Variants in GFRAL observed in about 807,000 individuals in gnomAD.
GFRAL encodes the protein GDNF family receptor alpha like.
Under a neutral mutation model 45.4 loss-of-function variants are expected in GFRAL, and 36 were observed. The observed-to-expected ratio is 0.79, with a 90% CI of 0.61 to 1.05. The LOEUF (loss-of-function observed/expected upper bound fraction) is 1.05. Ranked by LOEUF, GFRAL falls within the 50% of genes least tolerant of loss-of-function variation. The pLI, the probability that GFRAL is intolerant of heterozygous loss-of-function variation, is 0.00. For missense variants in GFRAL, 507 were observed against 467.5 expected, an observed-to-expected ratio of 1.08 and a Z score of -0.78; for synonymous variants, 166 against 154.1, an observed-to-expected ratio of 1.08 and a Z score of -0.57.
At chr6:55,354,792 G>A (rs1279956950) in intron 5 of GFRAL, among the ~76,000 whole-genome samples, 2 of 151,824 alleles carry the variant, frequency 1.3e-5, no homozygotes, top group Non-Finnish European at 2.9e-5. Flanking sequence ...GGCAAAACAG[G>A]GCACTTCAGT....
At chr6:55,345,284 C>G (rs1276652398) in intron 3 of GFRAL, among the ~76,000 whole-genome samples, 1 of 152,176 alleles carries the variant, frequency 6.6e-6, no homozygotes, top group Non-Finnish European at 1.5e-5. Flanking sequence ...TGCTACCTGA[C>G]TTCAAACTAT....
intron 6 of GFRAL, among the ~76,000 whole-genome samples, chr6:55,363,194 C>A (rs542511654): frequency 6.6e-6 from 1 of 151,950 alleles, no homozygotes; most frequent in Non-Finnish European, 1.5e-5. Context: ...TAATCCCATT[C>A]TCAAGAGAGA....
intron 6 of GFRAL, among the ~76,000 whole-genome samples, chr6:55,395,171 A>ATATATATATATATATATATATATAT (rs1327884681): frequency 2.2e-5 from 2 of 90,826 alleles, no homozygotes; most frequent in African/African-American, 1.1e-4. Flanking sequence ...GGAAAAAAAA[A>ATATATATATATATATATATATATAT]AAAAATATAT....
chr6:55,346,583 C>T lies in GFRAL; in HGVS notation c.317-3509C>T, dbSNP rs182549828. ...GGGAGGGATAGCATTAGGAGATATA[C>T]CTAATGTAAATGATGAGTTAATGGA... On this transcript the variant is annotated intron_variant, in intron 3 of 8. Coordinates refer to ENST00000340465, the MANE Select transcript of GFRAL (RefSeq NM_207410.2). Among the ~76,000 whole-genome samples, 451 of 151,926 alleles carry T rather than the reference C, an allele frequency of 3.0e-3. 4 individuals are homozygous for T. Among genetic ancestry groups the T allele is most frequent in the African/African-American group, 0.011 (442 of 41,418 alleles).
At chr6:55,367,881 C>T (rs555792763) in intron 6 of GFRAL, among the ~76,000 whole-genome samples, 4 of 151,300 alleles carry the variant, frequency 2.6e-5, no homozygotes, top group Admixed American at 1.3e-4. Context: ...AACATTTTTT[C>T]CTTCATTTCA....
At chr6:55,366,332 T>G (rs931230340) in intron 6 of GFRAL, among the ~76,000 whole-genome samples, 4 of 151,928 alleles carry the variant, frequency 2.6e-5, no homozygotes, top group Non-Finnish European at 4.4e-5. Flanking sequence ...CTGCTCTTTT[T>G]TTTTCTTTAT....
In GFRAL at chr6:55,359,037, G is replaced by A. The variant is rs767931022; in HGVS notation, c.851G>A (p.Gly284Glu). The A allele has an allele frequency of 6.2e-6, 10 of 1,612,848 alleles. No individual in the cohort carries two copies. Among genetic ancestry groups the A allele is most frequent in the Non-Finnish European group, 8.5e-6 (10 of 1,179,282 alleles). ...AAAGCTGCTTACATAGATATCCTTG[G>A]GACGGTCCTTCAAGTGCAATGTACC... Reference protein sequence around the residue: ...DCKAAYIDILGTVLQVQCTCR... With the variant: ...DCKAAYIDILETVLQVQCTCR... Residue 284 changes from glycine (G) to glutamate (E), a missense_variant, in exon 6 of 9, where the codon GGG becomes GAG. Transcript: ENST00000340465.
At chr6:55,329,682 G>A (rs977737449) in intron 1 of GFRAL, among the ~76,000 whole-genome samples, 6 of 152,012 alleles carry the variant, frequency 3.9e-5, no homozygotes, top group African/African-American at 1.4e-4. Context: ...TGAGAAAACA[G>A]AAAGCTGATA....
intron 6 of GFRAL, among the ~76,000 whole-genome samples, chr6:55,396,329 C>G (rs541361297): frequency 2.0e-5 from 3 of 152,266 alleles, no homozygotes; most frequent in Admixed American, 6.5e-5. Flanking sequence ...TTTCTAAACT[C>G]TGCTAGGTGA....
chr6:55,395,173 A>T (rs35924796), intron 6 of GFRAL, among the ~76,000 whole-genome samples: 22,714 of 102,988 alleles, frequency 0.22, 2,510 homozygotes, highest in Admixed American at 0.38. Context: ...AAAAAAAAAA[A>T]AAATATATAT....
chr6:55,384,299 C>T (rs1265278939), intron 6 of GFRAL, among the ~76,000 whole-genome samples: 1 of 150,392 alleles, frequency 6.6e-6, no homozygotes, highest in Non-Finnish European at 1.5e-5. Flanking sequence ...TCCATTTATC[C>T]CCACACAATA....
intron 5 of GFRAL, among the ~76,000 whole-genome samples, chr6:55,353,729 A>C (rs187927279): frequency 1.3e-3 from 197 of 152,188 alleles, no homozygotes; most frequent in Middle Eastern, 3.4e-3. Context: ...ATTTTAAATA[A>C]ATTTTTAAGG....
At chr6:55,357,762 G>C (rs1295435659) in intron 5 of GFRAL, among the ~76,000 whole-genome samples, 1 of 151,416 alleles carries the variant, frequency 6.6e-6, no homozygotes, top group Non-Finnish European at 1.5e-5. Context: ...AAATTTCATG[G>C]TGTTTTTCCT....
chr6:55,331,823 T>C lies in GFRAL; in HGVS notation c.131T>C (p.Val44Ala). Residue 44 changes from valine (V) to alanine (A), a missense_variant, in exon 2 of 9, where the codon GTA becomes GCA. Transcript: ENST00000340465. ...AATGGATGTAAACATGCTTGGAGAG[T>C]AATGGAAGATGCCTGCAATGATTCA... ...DANGCKHAWRVMEDACNDSDP... is the reference protein window; with the variant it reads ...DANGCKHAWRAMEDACNDSDP... The C allele has an allele frequency of 6.2e-7, 1 of 1,610,434 alleles. No homozygotes were observed. Among genetic ancestry groups the C allele is most frequent in the Non-Finnish European group, 8.5e-7 (1 of 1,178,698 alleles).
At chr6:55,377,006 T>A (rs12201384) in intron 6 of GFRAL, among the ~76,000 whole-genome samples, 43,694 of 151,782 alleles carry the variant, frequency 0.29, 7,291 homozygotes, top group Middle Eastern at 0.45. Context: ...ACAACCAATT[T>A]CTACCTGAGC....
At chr6:55,342,417 C>A (rs939296286) in intron 3 of GFRAL, among the ~76,000 whole-genome samples, 2 of 151,930 alleles carry the variant, frequency 1.3e-5, no homozygotes, top group African/African-American at 4.8e-5. Flanking sequence ...TCATATCCAG[C>A]CAAACTAAGC....
intron 6 of GFRAL, among the ~76,000 whole-genome samples, chr6:55,386,105 C>A (rs1581758556): frequency 6.6e-6 from 1 of 152,114 alleles, no homozygotes; most frequent in Middle Eastern, 3.4e-3. Context: ...TTATTTCTTT[C>A]TTTGCCCTTG....
intron 1 of GFRAL, among the ~76,000 whole-genome samples, chr6:55,328,019 A>G (rs1222582726): frequency 6.6e-6 from 1 of 152,008 alleles, no homozygotes; most frequent in African/African-American, 2.4e-5. Context: ...AATTTAAAAC[A>G]TTCAATTTAC....
chr6:55,395,364 G>C (rs1414199487), intron 6 of GFRAL, among the ~76,000 whole-genome samples: 1 of 151,472 alleles, frequency 6.6e-6, no homozygotes, highest in Non-Finnish European at 1.5e-5. Context: ...GAAATATAAA[G>C]TCTTGAAATT....
Sources: gnomAD v4.1 joint callset for allele counts (sites outside exome capture counted in the v4.1 genomes callset) on GRCh38, gnomAD v4.1.1 for gene constraint, MANE v1.5 for transcripts, NCBI Gene and HGNC (gene_info 2026-07-23, HGNC 2026-07-21) for gene names.